Variants in GADL1 observed in about 807,000 individuals in gnomAD.
GADL1 encodes the protein GAD like acidic amino acid decarboxylase 1, also known as acidic amino acid decarboxylase GADL1.
A neutral mutation model predicts 69.5 loss-of-function variants in GADL1; 71 were observed. The observed-to-expected ratio is 1.02, with a 90% CI of 0.84 to 1.25. The LOEUF is 1.25. GADL1 is among the 50% of genes most tolerant of loss of function. The pLI, the probability that GADL1 is intolerant of heterozygous loss-of-function variation, is 0.00. For missense variants in GADL1, 737 were observed against 631.8 expected (o/e 1.17, Z -1.79); for synonymous variants, 254 against 214.4 (o/e 1.18, Z -1.62).
chr3:30,731,618 T>G (rs1163632070), intron 14 of GADL1, among the ~76,000 whole-genome samples: 1 of 152,192 alleles, frequency 6.6e-6, no homozygotes, highest in Non-Finnish European at 1.5e-5. Context: ...TGTACTTCCA[T>G]GGGCAAAACG....
chr3:30,799,029 T>G (rs1043359606), intron 12 of GADL1: 1 of 152,262 alleles, frequency 6.6e-6, no homozygotes, highest in Non-Finnish European at 1.5e-5. Context: ...ATAGCCCCCA[T>G]CATGGCTGCT....
chr3:30,764,408 G>A (rs1461073), intron 14 of GADL1, among the ~76,000 whole-genome samples: 66,960 of 151,914 alleles, frequency 0.44, 14,760 homozygotes, highest in African/African-American at 0.46. Context: ...TAAGAAAAGC[G>A]AAACTACAAG....
intron 2 of GADL1, among the ~76,000 whole-genome samples, chr3:30,859,519 A>C (rs1394856566): frequency 3.3e-5 from 5 of 151,784 alleles, no homozygotes; most frequent in Non-Finnish European, 7.4e-5. Flanking sequence ...AAAGGGGAGG[A>C]TTGATTAGAG....
At chr3:30,776,270 GA>G (rs1038403618) in intron 14 of GADL1, among the ~76,000 whole-genome samples, 10 of 152,196 alleles carry the variant, frequency 6.6e-5, no homozygotes, top group African/African-American at 2.4e-4. Context: ...AGCTTAGTGA[GA>G]AAAATGGTGA....
In GADL1 at chr3:30,833,916, C is replaced by G. The variant is rs150289306; in HGVS notation, c.987G>C (p.Trp329Cys). 49 of 1,612,264 alleles carry G rather than the reference C, an allele frequency of 3.0e-5. No homozygotes were observed. The African/African-American group carries it at 5.3e-4, about 18-fold the overall frequency. ...HGIHRADSVA[W>C]NPHKMLMAGI... ...CAGCCATCAGCATCTTGTGTGGGTTCCAGGCCACAGAGTCAGCCCTATTGT... is the reference window on the plus strand; with the variant it reads ...CAGCCATCAGCATCTTGTGTGGGTTGCAGGCCACAGAGTCAGCCCTATTGT... The change falls in exon 11 of 15, where the codon TGG (tryptophan) becomes TGC (cysteine). Residue 329 changes from tryptophan to cysteine, a missense_variant. Coordinates refer to ENST00000282538, the MANE Select transcript of GADL1 (RefSeq NM_207359.3).
chr3:30,785,316 T>C (rs1353615185), intron 13 of GADL1, among the ~76,000 whole-genome samples: 1 of 152,114 alleles, frequency 6.6e-6, no homozygotes, highest in East Asian at 1.9e-4. Context: ...CCTAGAACCA[T>C]GCATGACATA....
rs773530741 is a variant in GADL1, at chr3:30,816,530, C to CTTTTT, written c.1051-15447_1051-15443dup. Among the ~76,000 whole-genome samples, 92 of 53,982 alleles carry CTTTTT rather than the reference C, an allele frequency of 1.7e-3. 19 individuals carry two copies. Among genetic ancestry groups the CTTTTT allele is most frequent in the Non-Finnish European group, 2.7e-3 (68 of 25,430 alleles). The allele number at this position is 53,982 out of a possible 152,430, so 35.4% of individuals were successfully genotyped here. On this transcript the variant is annotated intron_variant, in intron 11 of 14. Transcript: ENST00000282538. The stretch of plus-strand genomic sequence containing the variant: ...AGACCATATATTCTTAATTTGTTTT[C>CTTTTT]TTTTTTTTTTTTTTTTTTTTTTTTT...
chr3:30,881,290 AT>A (rs1698637860), intron 1 of GADL1, among the ~76,000 whole-genome samples: 2 of 152,110 alleles, frequency 1.3e-5, no homozygotes, highest in Admixed American at 6.6e-5. Context: ...ATATGCAAGA[AT>A]ACAGAAGAAT....
intron 1 of GADL1, among the ~76,000 whole-genome samples, chr3:30,883,736 G>A (rs1215567308): frequency 6.6e-6 from 1 of 151,944 alleles, no homozygotes; most frequent in Admixed American, 6.6e-5. Context: ...GCTCTGGGTA[G>A]CATGGACGTC....
rs545795151 is a variant in GADL1 at position 30,818,660 on chromosome 3, A to G, written c.1050+15193T>C. On this transcript the variant is annotated intron_variant, in intron 11 of 14. Coordinates refer to ENST00000282538, the MANE Select transcript of GADL1 (RefSeq NM_207359.3). ...AAAGCCATTAATATAAGTATGTCCTATGTAACATTTGAGATATACTTACAC... is the reference window on the plus strand; with the variant it reads ...AAAGCCATTAATATAAGTATGTCCTGTGTAACATTTGAGATATACTTACAC... 3.9e-4 allele frequency among the ~76,000 whole-genome samples: 60 copies of G among 152,314 alleles called. No individual in the cohort carries two copies. In the South Asian group the frequency reaches 0.012, roughly 31 times the overall value.
intron 14 of GADL1, among the ~76,000 whole-genome samples, chr3:30,751,388 T>A (rs760836321): frequency 2.0e-5 from 3 of 152,174 alleles, no homozygotes; most frequent in Non-Finnish European, 2.9e-5. Context: ...TCGCTCAGTC[T>A]GTGCTTTTTC....
chr3:30,858,606 C>T (rs1197477250), intron 2 of GADL1, among the ~76,000 whole-genome samples: 1 of 151,852 alleles, frequency 6.6e-6, no homozygotes, highest in Non-Finnish European at 1.5e-5. Flanking sequence ...GATTGGATGG[C>T]AGCAATGGGG....
intron 1 of GADL1, among the ~76,000 whole-genome samples, chr3:30,863,401 G>A (rs1698350575): frequency 6.6e-6 from 1 of 152,074 alleles, no homozygotes; most frequent in Non-Finnish European, 1.5e-5. Context: ...GACTGTACAT[G>A]CCGATCATTG....
intron 1 of GADL1, among the ~76,000 whole-genome samples, chr3:30,886,854 G>C (rs1478964728): frequency 6.6e-6 from 1 of 152,086 alleles, no homozygotes; most frequent in Non-Finnish European, 1.5e-5. Context: ...GAGTTGATAG[G>C]GTACATTGGA....
chr3:30,756,325 G>GA lies in GADL1; in HGVS notation c.1392+21853dup, dbSNP rs1235654386. On this transcript the variant is annotated intron_variant, in intron 14 of 14. Transcript: ENST00000282538. ...AATAAGAAGGAAATTGACTATCTAG[G>GA]ATTCGTTGCCAAGTCCAAGTGAGAT... Among the ~76,000 whole-genome samples the GA allele has an allele frequency of 2.0e-5, 3 of 152,248 alleles. No individual in the cohort carries two copies. The East Asian group carries it at 5.8e-4, about 29-fold the overall frequency.
intron 9 of GADL1, among the ~76,000 whole-genome samples, chr3:30,834,571 A>G (rs1338716013): frequency 6.6e-6 from 1 of 152,046 alleles, no homozygotes; most frequent in Non-Finnish European, 1.5e-5. Flanking sequence ...TTCAAAGTCC[A>G]TGCCCTCTTG....
rs114908515 is a variant in GADL1, at chr3:30,883,771, T to C, written c.37+10807A>G. Among the ~76,000 whole-genome samples, 4 of 152,020 alleles carry C rather than the reference T, an allele frequency of 2.6e-5. No homozygotes were observed. The East Asian group carries it at 7.7e-4, about 29-fold the overall frequency. The stretch of plus-strand genomic sequence containing the variant: ...CTTAATAATACAATTTTCTAATCCA[T>C]GAACACAGTATGTCTCTTCATTTAT... On this transcript the variant is annotated intron_variant, in intron 1 of 14. Transcript: ENST00000282538.
At chr3:30,766,872 A>G (rs1283057579) in intron 14 of GADL1, among the ~76,000 whole-genome samples, 2 of 152,176 alleles carry the variant, frequency 1.3e-5, no homozygotes, top group South Asian at 4.1e-4. Context: ...TGACATATTG[A>G]GAGTTGGACT....
At chr3:30,876,704 C>A (rs1334169461) in intron 1 of GADL1, among the ~76,000 whole-genome samples, 1 of 151,878 alleles carries the variant, frequency 6.6e-6, no homozygotes, top group Non-Finnish European at 1.5e-5. Context: ...CACTTACATG[C>A]CAAGTGTGAA....
Sources: allele counts gnomAD v4.1 joint callset (sites outside exome capture counted in the v4.1 genomes callset), GRCh38; gene constraint gnomAD v4.1.1; transcripts MANE v1.5; gene names NCBI Gene and HGNC (gene_info 2026-07-23, HGNC 2026-07-21).